The following MAK variants were observed in gnomAD, a reference collection of about 807,000 sequenced individuals.
MAK encodes serine/threonine-protein kinase MAK.
MAK carries 65 observed loss-of-function variants against 82.6 expected under a neutral mutation model. The observed-to-expected ratio is 0.79, with a 90% CI of 0.64 to 0.97. The LOEUF is 0.97. MAK is among the 50% of genes least tolerant of loss of function. The pLI is 0.00. For missense variants in MAK, 703 were observed against 780.2 expected, an observed-to-expected ratio of 0.90 and a Z score of 1.18; for synonymous variants, 250 against 274.2, an observed-to-expected ratio of 0.91 and a Z score of 0.87.
At chr6:10,784,287 G>A (rs150241849) in intron 11 of MAK, 137 bp downstream of exon 11, 30 of 828,330 alleles carry the variant, frequency 3.6e-5, no homozygotes, top group East Asian at 2.3e-4. Context: ...AGTCCTTGGC[G>A]ACAGACTGAG....
chr6:10,810,363 T>C (rs1223350652), intron 5 of MAK, among the ~76,000 whole-genome samples: 226 of 148,294 alleles, frequency 1.5e-3, no homozygotes, highest in Non-Finnish European at 2.6e-3. Context: ...TTTTTTTTTT[T>C]TGTTTTGAGA....
At chr6:10,783,791 C>T (rs191200113) in intron 11 of MAK, among the ~76,000 whole-genome samples, 98 of 152,278 alleles carry the variant, frequency 6.4e-4, no homozygotes, top group African/African-American at 1.9e-3. Context: ...GAGGCCAAGG[C>T]GGGCGGATCA....
intron 7 of MAK, 86 bp downstream of exon 7, chr6:10,803,633 TA>T (rs1776182317): frequency 8.6e-7 from 1 of 1,161,946 alleles, no homozygotes; most frequent in South Asian, 1.3e-5. Flanking sequence ...GCAAAAGTTG[TA>T]AATAATCAAA....
chr6:10,777,164 T>C (rs1410141571), intron 11 of MAK, among the ~76,000 whole-genome samples: 1 of 152,086 alleles, frequency 6.6e-6, no homozygotes, highest in African/African-American at 2.4e-5. Context: ...CCCAGCACTT[T>C]GGGAGGCTGA....
At chr6:10,830,277 T>C (rs968103123) in intron 2 of MAK, among the ~76,000 whole-genome samples, 1 of 151,090 alleles carries the variant, frequency 6.6e-6, no homozygotes, top group Non-Finnish European at 1.5e-5. Flanking sequence ...GCAATTCTCC[T>C]GCCTCGGCCT....
intron 5 of MAK, among the ~76,000 whole-genome samples, chr6:10,812,454 T>G (rs538878003): frequency 1.3e-5 from 2 of 152,128 alleles, no homozygotes; most frequent in African/African-American, 4.8e-5. Context: ...TCATAGAAAA[T>G]AGATCAAGTA....
At chr6:10,812,557 A>T (rs1777027924) in intron 5 of MAK, among the ~76,000 whole-genome samples, 1 of 152,124 alleles carries the variant, frequency 6.6e-6, no homozygotes, top group South Asian at 2.1e-4. Flanking sequence ...GGTGCTACAA[A>T]CTATTTAAGT....
chr6:10,794,600 T>A (rs1311863695), intron 9 of MAK, among the ~76,000 whole-genome samples: 1 of 152,168 alleles, frequency 6.6e-6, no homozygotes, highest in East Asian at 1.9e-4. Flanking sequence ...TTTGGGAGTG[T>A]ATACCCAGTG....
chr6:10,810,529 C>T (rs1441921549), intron 5 of MAK, among the ~76,000 whole-genome samples: 1 of 151,930 alleles, frequency 6.6e-6, no homozygotes, highest in East Asian at 1.9e-4. Flanking sequence ...TTAGTAGAAA[C>T]TGGATTTTGC....
rs145962683 is a variant in MAK at position 10,804,127 on chromosome 6, A to G, written c.492-236T>C. 2.6e-5 allele frequency among the ~76,000 whole-genome samples: 4 copies of G among 152,324 alleles called. No individual in the cohort carries two copies. The East Asian group carries it at 7.7e-4, about 29-fold the overall frequency. On this transcript the variant is annotated intron_variant, in intron 6 of 14. Transcript: ENST00000354489. ...ACAAATGTCTATGAAATGTCCATCA[A>G]GCCTAAGACAGGAACTCAACTGAAT...
At chr6:10,801,554 T>G (rs190028098) in intron 8 of MAK, among the ~76,000 whole-genome samples, 3 of 152,358 alleles carry the variant, frequency 2.0e-5, no homozygotes, top group African/African-American at 7.2e-5. Flanking sequence ...GAATGATTCA[T>G]GAGATGCCTT....
chr6:10,796,523 TG>T (rs1775575535), intron 8 of MAK, among the ~76,000 whole-genome samples: 1 of 152,080 alleles, frequency 6.6e-6, no homozygotes, highest in Non-Finnish European at 1.5e-5. Context: ...AAATTAAAAG[TG>T]GCTGGGCATG....
At chr6:10,813,014 C>A (rs887732719) in intron 5 of MAK, among the ~76,000 whole-genome samples, 1 of 139,366 alleles carries the variant, frequency 7.2e-6, no homozygotes, top group Non-Finnish European at 1.5e-5. Flanking sequence ...ATCCCCCCCC[C>A]CGCCTCGGCC....
In MAK at chr6:10,764,527, A is replaced by G. The variant is rs1772216863; in HGVS notation, c.1872T>C (p.Ile624=). ...AGGGAATGGGCTGTGCACGGTTCAC[A>G]ATATTTAGGTTTTTTGCTGTAGGAT... ...TYNPTAKNLN[I]VNRAQPIPSV... The change falls in exon 15 of 15, where the codon ATT becomes ATC. Residue 624 remains isoleucine (I), a synonymous_variant. Coordinates refer to ENST00000354489, the MANE Select transcript of MAK (RefSeq NM_001242957.3). The G allele has an allele frequency of 6.2e-7, 1 of 1,614,080 alleles. No individual in the cohort carries two copies. Among genetic ancestry groups the G allele is most frequent in the Non-Finnish European group, 8.5e-7 (1 of 1,180,004 alleles).
At chr6:10,791,342 C>G (rs1775065215) in intron 10 of MAK, among the ~76,000 whole-genome samples, 1 of 152,178 alleles carries the variant, frequency 6.6e-6, no homozygotes, top group Non-Finnish European at 1.5e-5. Context: ...TCTTGGCTCA[C>G]TGCAACATTC....
chr6:10,787,063 TATTCACCACTCC>T (rs1774622040), intron 10 of MAK, among the ~76,000 whole-genome samples: 6 of 143,014 alleles, frequency 4.2e-5, no homozygotes, highest in African/African-American at 1.5e-4. Context: ...GTTCACCTCC[TATTCACCACTCC>T]GCTACTTCAC....
chr6:10,814,974 T>C (rs1392860269), intron 4 of MAK, among the ~76,000 whole-genome samples: 1 of 150,934 alleles, frequency 6.6e-6, no homozygotes, highest in African/African-American at 2.4e-5. Flanking sequence ...AGGGTGGAGG[T>C]TGCAGTGAGC....
At chr6:10,838,004 G>C (rs1779266484) in intron 1 of MAK, 1 of 152,370 alleles carries the variant, frequency 6.6e-6, no homozygotes, top group Admixed American at 6.5e-5. Context: ...CCTAATTCCT[G>C]TTTTTCTCCC....
Position 10,791,882 on chromosome 6 carries a change from C to T in MAK, c.1144-35G>A, listed in dbSNP as rs771499003. The stretch of plus-strand genomic sequence containing the variant: ...AAAATCAGTCATCATAATCTTTAAT[C>T]ATGTACTGAATGCCTTTCATGCACA... On this transcript the variant is annotated intron_variant, in intron 9 of 14. Transcript: ENST00000354489. 3 of 1,608,760 alleles carry T rather than the reference C, an allele frequency of 1.9e-6. No homozygotes were observed. The East Asian group carries it at 6.7e-5, about 36-fold the overall frequency.
Sources: gnomAD v4.1 joint callset for allele counts (sites outside exome capture counted in the v4.1 genomes callset) on GRCh38, gnomAD v4.1.1 for gene constraint, MANE v1.5 for transcripts, NCBI Gene and HGNC (gene_info 2026-07-23, HGNC 2026-07-21) for gene names.